Variants in GOLGA4 observed in about 807,000 individuals in gnomAD.
The protein encoded by GOLGA4 is golgin A4.
GOLGA4 carries 169 observed loss-of-function variants against 265.9 expected under a neutral mutation model. That is an observed-to-expected ratio of 0.64 (90% CI 0.56 to 0.72). The LOEUF (loss-of-function observed/expected upper bound fraction) is 0.72, where lower values mean the gene tolerates loss of function less well. Among genes scored for constraint, GOLGA4 ranks in the 30% least tolerant of loss-of-function variants. GOLGA4 has a pLI of 0.00. For missense variants in GOLGA4, 2,482 were observed against 2,483.4 expected (o/e 1.00, Z 0.01); for synonymous variants, 923 against 855.8 (o/e 1.08, Z -1.37).
At chr3:37,280,573 A>C (rs2096832163) in intron 2 of GOLGA4, among the ~76,000 whole-genome samples, 1 of 152,260 alleles carries the variant, frequency 6.6e-6, no homozygotes, top group African/African-American at 2.4e-5. Flanking sequence ...TTTTTGAATA[A>C]GGAGTACTTA....
In GOLGA4 at chr3:37,328,437, A is replaced by G. The variant is rs1170517861; in HGVS notation, c.5961A>G (p.Glu1987=). The G allele has an allele frequency of 6.2e-7, 1 of 1,613,066 alleles. No individual in the cohort carries two copies. The highest frequency in any genetic ancestry group is 8.5e-7 in the Non-Finnish European group (1 of 1,179,270). The change falls in exon 15 of 24, where the codon GAA becomes GAG. Residue 1987 remains glutamate (E), a synonymous_variant. Coordinates refer to ENST00000361924, the MANE Select transcript of GOLGA4 (RefSeq NM_002078.5). ...EKIKQEQEDL[E]LKHNSTLKQL... ...TCAGACAGGAGCAGGAAGATCTTGA[A>G]CTGAAGCACAATTCCACATTAAAAC...
At chr3:37,282,498 A>T (rs956376904) in intron 3 of GOLGA4, among the ~76,000 whole-genome samples, 5 of 152,144 alleles carry the variant, frequency 3.3e-5, no homozygotes, top group African/African-American at 1.2e-4. Context: ...TTTGGAGAAG[A>T]TTGTTGTCTG....
chr3:37,313,903 A>G (rs1286249720), intron 10 of GOLGA4, among the ~76,000 whole-genome samples: 1 of 152,132 alleles, frequency 6.6e-6, no homozygotes, highest in African/African-American at 2.4e-5. Flanking sequence ...GAAGTTGACA[A>G]ATCTAAGACC....
At chr3:37,257,945 ATATG>A (rs1395928914) in intron 2 of GOLGA4, among the ~76,000 whole-genome samples, 3 of 116,604 alleles carry the variant, frequency 2.6e-5, no homozygotes, top group African/African-American at 3.6e-5. Flanking sequence ...ACATACATAT[ATATG>A]TATGTATATA....
intron 10 of GOLGA4, among the ~76,000 whole-genome samples, chr3:37,307,115 A>G (rs1266176844): frequency 1.3e-5 from 2 of 152,206 alleles, no homozygotes; most frequent in Non-Finnish European, 2.9e-5. Flanking sequence ...TAACTTTTGT[A>G]AACCCCGTTT....
intron 10 of GOLGA4, among the ~76,000 whole-genome samples, chr3:37,313,165 T>C (rs7627593): frequency 0.31 from 46,862 of 151,874 alleles, 8,253 homozygotes; most frequent in Non-Finnish European, 0.4. Context: ...ATCGCGCCAC[T>C]GCACTCTAGC....
At chr3:37,252,040 C>T (rs1303526523) in intron 2 of GOLGA4, among the ~76,000 whole-genome samples, 4 of 152,090 alleles carry the variant, frequency 2.6e-5, no homozygotes, top group Non-Finnish European at 5.9e-5. Context: ...TTCAACATAG[C>T]ATCATTTTTT....
chr3:37,271,100 G>A (rs2150716884), intron 2 of GOLGA4, among the ~76,000 whole-genome samples: 1 of 152,228 alleles, frequency 6.6e-6, no homozygotes, highest in Non-Finnish European at 1.5e-5. Flanking sequence ...AGTAGACAGA[G>A]CTCAGGTGGT....
intron 22 of GOLGA4, among the ~76,000 whole-genome samples, chr3:37,359,071 C>T (rs1279835711): frequency 1.3e-5 from 2 of 152,152 alleles, no homozygotes; most frequent in Non-Finnish European, 2.9e-5. Flanking sequence ...AAACAAAATG[C>T]ACATACCAAA....
rs1221686039 is a variant in GOLGA4 at position 37,295,012 on chromosome 3, C to T, written c.616C>T (p.Leu206=). 1.9e-5 allele frequency: 30 copies of T among 1,610,846 alleles called. No individual in the cohort carries two copies. Among genetic ancestry groups the T allele is most frequent in the Non-Finnish European group, 2.5e-5 (29 of 1,177,936 alleles). ...AATGGACCAGCAGGCAAAGAAACAT[C>T]TGCAAGAGGAGTTTGATGCATCTTT... ...LQMDQQAKKH[L]QEEFDASLEE... Residue 206 remains leucine (L), a synonymous_variant, in exon 6 of 24, where the codon CTG becomes TTG. Coordinates refer to ENST00000361924, the MANE Select transcript of GOLGA4 (RefSeq NM_002078.5).
chr3:37,280,161 C>T (rs905547267), intron 2 of GOLGA4, among the ~76,000 whole-genome samples: 7 of 152,130 alleles, frequency 4.6e-5, no homozygotes, highest in Non-Finnish European at 8.8e-5. Flanking sequence ...TTACCCTGAA[C>T]ACATTTTGTT....
chr3:37,300,475 T>TA (rs1374552195), intron 9 of GOLGA4, among the ~76,000 whole-genome samples: 1 of 151,846 alleles, frequency 6.6e-6, no homozygotes, highest in Non-Finnish European at 1.5e-5. Context: ...CTTGAGGGCC[T>TA]ACTTAAATTG....
intron 2 of GOLGA4, among the ~76,000 whole-genome samples, chr3:37,258,100 CTGTA>C (rs1406569878): frequency 1.6e-5 from 2 of 127,454 alleles, no homozygotes; most frequent in Non-Finnish European, 3.2e-5. Context: ...TATATATGCT[CTGTA>C]TATATATATG....
intron 1 of GOLGA4, among the ~76,000 whole-genome samples, chr3:37,250,913 T>C (rs1560268238): frequency 6.6e-6 from 1 of 152,142 alleles, no homozygotes; most frequent in Non-Finnish European, 1.5e-5. Context: ...GTGCTGTTTA[T>C]CTGTGCATTT....
At position 37,353,393 on chromosome 3, in the gene GOLGA4, C is replaced by T. The variant is rs149472836; in HGVS notation, c.6577-1708C>T. Among the ~76,000 whole-genome samples the T allele has an allele frequency of 9.2e-5, 14 of 152,096 alleles. No homozygotes were observed. The East Asian group carries it at 1.2e-3, about 13-fold the overall frequency. On this transcript the variant is annotated intron_variant, in intron 21 of 23. Coordinates refer to ENST00000361924, the MANE Select transcript of GOLGA4 (RefSeq NM_002078.5). ...TTCTGTGAAGCTCAGTAAAGTGAAG[C>T]GCAATAGAATGAGGTTTGCCTGTAC...
intron 22 of GOLGA4, among the ~76,000 whole-genome samples, chr3:37,355,762 T>A (rs1438382029): frequency 1.3e-5 from 2 of 152,072 alleles, no homozygotes; most frequent in Admixed American, 6.6e-5. Flanking sequence ...ATGCCAAAGT[T>A]ATTTTTGCCC....
In GOLGA4 at chr3:37,361,324, CT is replaced by C. The variant is rs751565848; in HGVS notation, c.*33+21del. ...ACATGTGGTGAGTGAAGAACAATGT[CT>C]TGTGTCTTTTGTGCAAAAATCAAAT... On this transcript the variant is annotated intron_variant, in intron 23 of 23. Transcript: ENST00000361924. 1 of 1,582,246 alleles carries C rather than the reference CT, an allele frequency of 6.3e-7. No homozygotes were observed. Among genetic ancestry groups the C allele is most frequent in the Non-Finnish European group, 8.7e-7 (1 of 1,152,000 alleles).
chr3:37,273,549 A>G, intron 2 of GOLGA4: 2 of 1,505,282 alleles, frequency 1.3e-6, no homozygotes, highest in Admixed American at 2.0e-5. Flanking sequence ...GCATCTACTC[A>G]TGCCTCGAAA....
At chr3:37,243,652 T>G (rs1578300109) in intron 1 of GOLGA4, 30 bp downstream of exon 1, 1 of 1,586,710 alleles carries the variant, frequency 6.3e-7, no homozygotes, top group Non-Finnish European at 8.7e-7. Context: ...CCTCCCCTGG[T>G]TCCGAATACC....
Sources: gnomAD v4.1 joint callset for allele counts (sites outside exome capture counted in the v4.1 genomes callset) on GRCh38, gnomAD v4.1.1 for gene constraint, MANE v1.5 for transcripts, NCBI Gene and HGNC (gene_info 2026-07-23, HGNC 2026-07-21) for gene names.